Variants in MMP2 observed in about 807,000 individuals in gnomAD.
MMP2 encodes the protein matrix metallopeptidase 2, also known as 72 kDa type IV collagenase.
In MMP2, 39 loss-of-function variants were observed where a neutral mutation model predicts 74.8. That is an observed-to-expected ratio of 0.52 (90% CI 0.40 to 0.68). The LOEUF (loss-of-function observed/expected upper bound fraction) is 0.68. Among genes scored for constraint, MMP2 ranks in the 30% least tolerant of loss-of-function variants. The probability of loss-of-function intolerance (pLI) is 0.00; values close to 1 mark genes in which losing one functional copy is unlikely to be tolerated. For missense variants in MMP2, 803 were observed against 878.3 expected, an observed-to-expected ratio of 0.91 and a Z score of 1.08; for synonymous variants, 367 against 339.8, an observed-to-expected ratio of 1.08 and a Z score of -0.88.
At position 55,479,569 on chromosome 16, in the gene MMP2, G is replaced by T. The variant is rs1962043158; in HGVS notation, c.90G>T (p.Ala30=). 1 of 1,613,354 alleles carries T rather than the reference G, an allele frequency of 6.2e-7. No individual in the cohort carries two copies. The highest frequency in any genetic ancestry group is 8.5e-7 in the Non-Finnish European group (1 of 1,179,960). The change falls in exon 1 of 13, where the codon GCG becomes GCT. Residue 30 remains alanine, a synonymous_variant. Transcript: ENST00000219070. The part of the protein sequence containing the change: ...LGCLLSHAAA[A]PSPIIKFPGD... ...GCCTGCTGAGCCACGCCGCCGCCGC[G>T]CCGTCGCCCATCATCAAGTTCCCCG...
Position 55,505,796 on chromosome 16 carries a change from A to C in MMP2, c.*354A>C. On this transcript the variant is annotated 3_prime_UTR_variant, in exon 13 of 13. Transcript: ENST00000219070. ...TTCACAACCTTCTGTGGCTCACAGAACCCTTGGAGCCAATGGAGACTGTCT... is the reference window on the plus strand; with the variant it reads ...TTCACAACCTTCTGTGGCTCACAGACCCCTTGGAGCCAATGGAGACTGTCT... The C allele has an allele frequency of 2.8e-6, 1 of 355,200 alleles. No homozygotes were observed. 22.0% of individuals were successfully genotyped at this position (355,200 alleles called of 1,614,324 possible).
At chr16:55,485,003 G>A (rs1176386620) in intron 3 of MMP2, among the ~76,000 whole-genome samples, 3 of 152,140 alleles carry the variant, frequency 2.0e-5, no homozygotes, top group Non-Finnish European at 4.4e-5. Flanking sequence ...CACTAGTGTG[G>A]TAATGTGGGT....
chr16:55,492,140 T>C (rs923588820), intron 8 of MMP2, among the ~76,000 whole-genome samples, 184 bp downstream of exon 8: 1 of 152,130 alleles, frequency 6.6e-6, no homozygotes, highest in African/African-American at 2.4e-5. Context: ...AAGGGGATAC[T>C]TGGATAACTC....
intron 10 of MMP2, 91 bp downstream of exon 10, chr16:55,497,153 C>G (rs1186588848): frequency 3.2e-6 from 5 of 1,564,616 alleles, no homozygotes; most frequent in Non-Finnish European, 4.4e-6. Flanking sequence ...CCCTCTCAAA[C>G]CACAGTTCCT....
At chr16:55,502,660 G>A (rs997754418) in intron 11 of MMP2, 119 bp from the exon 12 acceptor site, 6 of 844,980 alleles carry the variant, frequency 7.1e-6, no homozygotes, top group Non-Finnish European at 9.8e-6. Context: ...TTCCCTGAAG[G>A]GCTAGGTCCA....
chr16:55,485,484 C>T lies in MMP2; in HGVS notation c.658+57C>T, dbSNP rs1038792459. 19 of 1,613,384 alleles carry T rather than the reference C, an allele frequency of 1.2e-5. No individual in the cohort carries two copies. In the African/African-American group the frequency reaches 2.4e-4, roughly 20 times the overall value. On this transcript the variant is annotated intron_variant, in intron 4 of 12. Transcript: ENST00000219070. ...CTTCTCTCCTGTCCTCTCTCCACTC[C>T]ATTTGCTTGGACCAGAGAGGTGGGA...
rs1475256778 is a variant in MMP2, at chr16:55,502,860, G to A, written c.1851G>A (p.Leu617=). Reference sequence around the variant, plus strand: ...CCTGGAATGCCATCCCCGATAACCTGGATGCCGTCGTGGACCTGCAGGGCG... The same window carrying A: ...CCTGGAATGCCATCCCCGATAACCTAGATGCCGTCGTGGACCTGCAGGGCG... ...ADAWNAIPDN[L]DAVVDLQGGG... Residue 617 remains leucine, a synonymous_variant, in exon 12 of 13, where the codon CTG becomes CTA. Coordinates refer to ENST00000219070, the MANE Select transcript of MMP2 (RefSeq NM_004530.6). 6.2e-7 allele frequency: 1 copy of A among 1,613,944 alleles called. No individual in the cohort carries two copies. Among genetic ancestry groups the A allele is most frequent in the East Asian group, 2.2e-5 (1 of 44,876 alleles).
chr16:55,487,237 G>A (rs1468397399), intron 5 of MMP2: 1 of 152,248 alleles, frequency 6.6e-6, no homozygotes, highest in African/African-American at 2.4e-5. Context: ...CAACACGCAC[G>A]TGTCTGGGTC....
At position 55,479,383 on chromosome 16, in the gene MMP2, C is replaced by T. The variant is rs1453064778; in HGVS notation, c.-97C>T. 8.3e-6 allele frequency: 11 copies of T among 1,326,852 alleles called. No homozygotes were observed. The highest frequency in any genetic ancestry group is 1.1e-5 in the Non-Finnish European group (11 of 1,035,026). 82.2% of individuals were successfully genotyped at this position (1,326,852 alleles called of 1,614,324 possible). On this transcript the variant is annotated 5_prime_UTR_variant, in exon 1 of 13. Coordinates refer to ENST00000219070, the MANE Select transcript of MMP2 (RefSeq NM_004530.6). ...GAGCCAGCGGACCCTCGGAGCGCAG[C>T]CCTGCGCCGCGGAGCAGGCTCCAAC...
rs370764157 is a variant in MMP2 at position 55,498,364 on chromosome 16, C to T, written c.1685C>T (p.Pro562Leu). The T allele has an allele frequency of 6.1e-5, 99 of 1,614,110 alleles. No homozygotes were observed. The Middle Eastern group carries it at 9.9e-4, about 16-fold the overall frequency. The change falls in exon 11 of 13, where the codon CCC becomes CTC. Residue 562 changes from proline (P) to leucine (L), a missense_variant. Transcript: ENST00000219070. ...YPKPLTSLGLPPDVQRVDAAF... is the reference protein window; with the variant it reads ...YPKPLTSLGLLPDVQRVDAAF... ...AAGCCACTGACCAGCCTGGGACTGC[C>T]CCCTGATGTCCAGCGAGTGGATGCC...
chr16:55,485,578 C>T, intron 4 of MMP2, 26 bp from the exon 5 acceptor site: 2 of 1,614,036 alleles, frequency 1.2e-6, no homozygotes, highest in African/African-American at 2.7e-5. Flanking sequence ...AGAAGTCCAA[C>T]CTCCCCCTTC....
chr16:55,479,387 G>C lies in MMP2; in HGVS notation c.-93G>C. 1 of 1,340,592 alleles carries C rather than the reference G, an allele frequency of 7.5e-7. No individual in the cohort carries two copies. Among genetic ancestry groups the C allele is most frequent in the Non-Finnish European group, 9.6e-7 (1 of 1,046,690 alleles). The allele number at this position is 1,340,592 out of a possible 1,614,324, so 83.0% of individuals were successfully genotyped here. ...CAGCGGACCCTCGGAGCGCAGCCCT[G>C]CGCCGCGGAGCAGGCTCCAACCAGG... On this transcript the variant is annotated 5_prime_UTR_variant, in exon 1 of 13. Coordinates refer to ENST00000219070, the MANE Select transcript of MMP2 (RefSeq NM_004530.6).
At position 55,493,073 on chromosome 16, in the gene MMP2, G is replaced by T. The variant is rs1391196047; in HGVS notation, c.1337-85G>T. 3 of 1,535,776 alleles carry T rather than the reference G, an allele frequency of 2.0e-6. No individual in the cohort carries two copies. In the Admixed American group the frequency reaches 5.4e-5, roughly 27 times the overall value. ...AGGCGATTTCTTCTGACTCTTAGAT[G>T]GTTGGGTGGGCACCCCTGGGGGCTC... On this transcript the variant is annotated intron_variant, in intron 8 of 12. Coordinates refer to ENST00000219070, the MANE Select transcript of MMP2 (RefSeq NM_004530.6).
In MMP2 at chr16:55,505,576, C is replaced by A; in HGVS notation, c.*134C>A. ...CAGCTAATCAGCATTCTCACTCCTACCTGGTAATTTAAGATTCCAGAGAGT... is the reference window on the plus strand; with the variant it reads ...CAGCTAATCAGCATTCTCACTCCTAACTGGTAATTTAAGATTCCAGAGAGT... On this transcript the variant is annotated 3_prime_UTR_variant, in exon 13 of 13. Coordinates refer to ENST00000219070, the MANE Select transcript of MMP2 (RefSeq NM_004530.6). 1.3e-6 allele frequency: 1 copy of A among 753,560 alleles called. No homozygotes were observed. The allele number at this position is 753,560 out of a possible 1,614,324, so 46.7% of individuals were successfully genotyped here. A position where few individuals can be genotyped will look rare whatever the true frequency, so the allele number is the denominator to read the frequency against.
intron 1 of MMP2, chr16:55,479,978 C>CGG (rs752333662): frequency 6.8e-4 from 86 of 126,096 alleles, no homozygotes; most frequent in African/African-American, 2.8e-3. Context: ...GGACATTTGG[C>CGG]GGGGGGGGGG....
At chr16:55,494,464 G>A (rs936226026) in intron 9 of MMP2, among the ~76,000 whole-genome samples, 1 of 152,198 alleles carries the variant, frequency 6.6e-6, no homozygotes, top group Non-Finnish European at 1.5e-5. Flanking sequence ...CAAATACTTT[G>A]CTAGGCTTTA....
intron 1 of MMP2, chr16:55,480,671 T>C (rs857402): frequency 0.95 from 144,580 of 152,688 alleles, 68,622 homozygotes; most frequent in Middle Eastern, 0.98. Flanking sequence ...GGATATCTGC[T>C]CCCTTGTTGC....
At chr16:55,502,998 C>A in intron 12 of MMP2, 110 bp downstream of exon 12, 1 of 879,260 alleles carries the variant, frequency 1.1e-6, no homozygotes, top group Non-Finnish European at 1.8e-6. Flanking sequence ...AGGCAGGCGG[C>A]GCCCAGGAAA....
In MMP2 at chr16:55,479,405, C is replaced by T. The variant is rs17859832; in HGVS notation, c.-75C>T. 3.8e-4 allele frequency: 532 copies of T among 1,392,346 alleles called. 3 individuals carry two copies. The African/African-American group carries it at 7.5e-3, about 20-fold the overall frequency. The allele number at this position is 1,392,346 out of a possible 1,614,324, so 86.2% of individuals were successfully genotyped here. ...CAGCCCTGCGCCGCGGAGCAGGCTC[C>T]AACCAGGCGGCGAGGCGGCCACACG... On this transcript the variant is annotated 5_prime_UTR_variant, in exon 1 of 13. Transcript: ENST00000219070.
Sources: gnomAD v4.1 joint callset for allele counts (sites outside exome capture counted in the v4.1 genomes callset) on GRCh38, gnomAD v4.1.1 for gene constraint, MANE v1.5 for transcripts, NCBI Gene and HGNC (gene_info 2026-07-23, HGNC 2026-07-21) for gene names.